The following CELF6 variants were observed in gnomAD, a reference collection of about 807,000 sequenced individuals.
The protein encoded by CELF6 is CUGBP Elav-like family member 6.
In CELF6, 32 loss-of-function variants were observed where a neutral mutation model predicts 53.1. The ratio of observed to expected loss-of-function variants is 0.60; its 90% confidence interval spans 0.46 to 0.81. The LOEUF is 0.81. Ranked by LOEUF, CELF6 falls within the 30% of genes least tolerant of loss-of-function variation. CELF6 has a pLI of 0.00. For missense variants in CELF6, 539 were observed against 669.5 expected, an observed-to-expected ratio of 0.81 and a Z score of 2.15; for synonymous variants, 291 against 288.8, an observed-to-expected ratio of 1.01 and a Z score of -0.08.
intron 3 of CELF6, chr15:72,292,140 G>C (rs1287736656): frequency 1.6e-6 from 2 of 1,247,982 alleles, no homozygotes; most frequent in Non-Finnish European, 2.2e-6. Flanking sequence ...CATCTTGCTT[G>C]ATCCTCCCCT....
intron 1 of CELF6, among the ~76,000 whole-genome samples, chr15:72,317,941 T>C (rs949381371): frequency 6.6e-6 from 1 of 151,774 alleles, no homozygotes; most frequent in Non-Finnish European, 1.5e-5. Context: ...TGAATGAAAA[T>C]AACAGGCAGA....
At chr15:72,313,630 C>G (rs2088327733) in intron 2 of CELF6, 1 of 281,226 alleles carries the variant, frequency 3.6e-6, no homozygotes, top group Non-Finnish European at 5.4e-6. Context: ...TCACGTGGGC[C>G]TCCCCCACAG....
chr15:72,287,982 C>T (rs1310611163), intron 11 of CELF6, among the ~76,000 whole-genome samples: 2 of 152,140 alleles, frequency 1.3e-5, no homozygotes, highest in Non-Finnish European at 2.9e-5. Flanking sequence ...GGATTACAGG[C>T]ACCCATCACC....
Position 72,303,075 on chromosome 15 carries a change from A to G in CELF6, c.394+1671T>C, listed in dbSNP as rs1214243978. Among the ~76,000 whole-genome samples the G allele has an allele frequency of 2.6e-5, 4 of 152,296 alleles. 1 individual carries two copies. The Middle Eastern group carries it at 0.01, about 389-fold the overall frequency. On this transcript the variant is annotated intron_variant, in intron 3 of 12. Transcript: ENST00000287202. ...TGCTGTGGAGTAAGTTGCTCAGAAG[A>G]TGTTGGTTGTGTGGTTGAACCTGTC...
intron 11 of CELF6, 53 bp from the exon 12 acceptor site, chr15:72,287,445 C>T: frequency 6.2e-7 from 1 of 1,605,736 alleles, no homozygotes; most frequent in South Asian, 1.1e-5. Context: ...GCAGGGCCTC[C>T]TTTCTCTCTG....
chr15:72,312,145 G>A (rs1269894221), intron 2 of CELF6, among the ~76,000 whole-genome samples: 1 of 152,200 alleles, frequency 6.6e-6, no homozygotes. Context: ...GGAGCATAAA[G>A]TGAGGCTAAA....
chr15:72,300,375 AAAGT>A (rs1303999573), intron 3 of CELF6, among the ~76,000 whole-genome samples: 1 of 151,958 alleles, frequency 6.6e-6, no homozygotes, highest in African/African-American at 2.4e-5. Context: ...AAAAAAAAAA[AAAGT>A]AAATAAACAG....
rs539071734 is a variant in CELF6, at chr15:72,297,467, T to A, written c.395-7212A>T. Among the ~76,000 whole-genome samples the A allele has an allele frequency of 2.4e-4, 37 of 152,282 alleles. 1 individual carries two copies. In the South Asian group the frequency reaches 7.3e-3, roughly 30 times the overall value. ...TGTACACCCATATTCATAACAACAT[T>A]AGTTACAATAGCCAAAAGGTTGAAG... is the stretch of plus-strand genomic sequence containing the variant. On this transcript the variant is annotated intron_variant, in intron 3 of 12. Coordinates refer to ENST00000287202, the MANE Select transcript of CELF6 (RefSeq NM_052840.5).
Position 72,309,704 on chromosome 15 carries a change from T to A in CELF6, c.346-4910A>T, listed in dbSNP as rs142650106. Reference sequence around the variant, plus strand: ...CTTCCTGGGCAACCTATTATATATATCTTGTTCCTGCCATGGGCAGAGGAG... The same window carrying A: ...CTTCCTGGGCAACCTATTATATATAACTTGTTCCTGCCATGGGCAGAGGAG... On this transcript the variant is annotated intron_variant, in intron 2 of 12. Coordinates refer to ENST00000287202, the MANE Select transcript of CELF6 (RefSeq NM_052840.5). 7.8e-4 allele frequency among the ~76,000 whole-genome samples: 119 copies of A among 152,242 alleles called. No individual in the cohort carries two copies. In the East Asian group the frequency reaches 0.02, roughly 25 times the overall value.
At chr15:72,317,475 A>T (rs528588028) in intron 1 of CELF6, among the ~76,000 whole-genome samples, 41 of 152,348 alleles carry the variant, frequency 2.7e-4, no homozygotes, top group African/African-American at 8.9e-4. Context: ...CAAAACTCTT[A>T]TCACATCAAC....
intron 2 of CELF6, among the ~76,000 whole-genome samples, chr15:72,311,729 T>A (rs1200958381): frequency 1.3e-5 from 2 of 152,168 alleles, no homozygotes; most frequent in Non-Finnish European, 2.9e-5. Context: ...AGAAGCATCT[T>A]GAGGGCAAAG....
chr15:72,286,372 G>A (rs931443451), intron 12 of CELF6, 30 bp from the exon 13 acceptor site: 1 of 152,676 alleles, frequency 6.5e-6, no homozygotes, highest in Non-Finnish European at 1.5e-5. Context: ...GATAAGGAGA[G>A]ATAGGGGGGA....
At chr15:72,303,335 GA>G (rs2088181842) in intron 3 of CELF6, among the ~76,000 whole-genome samples, 1 of 152,246 alleles carries the variant, frequency 6.6e-6, no homozygotes, top group African/African-American at 2.4e-5. Flanking sequence ...GTGGATGGAG[GA>G]GGAAACTTGG....
At chr15:72,317,820 A>G (rs1480109524) in intron 1 of CELF6, among the ~76,000 whole-genome samples, 2 of 152,162 alleles carry the variant, frequency 1.3e-5, no homozygotes, top group African/African-American at 4.8e-5. Flanking sequence ...GCCTGTCTGA[A>G]AGGCTCAGGG....
chr15:72,298,038 C>A (rs940398184), intron 3 of CELF6, among the ~76,000 whole-genome samples: 4 of 152,174 alleles, frequency 2.6e-5, no homozygotes, highest in African/African-American at 9.6e-5. Context: ...GAATTAAATT[C>A]ATCTAAGGAC....
intron 3 of CELF6, chr15:72,292,128 T>G: frequency 9.4e-7 from 1 of 1,058,616 alleles, no homozygotes; most frequent in Admixed American, 2.4e-5. Flanking sequence ...AGGGGTGGAG[T>G]TCATCTTGCT....
At chr15:72,307,744 G>A (rs2088249071) in intron 2 of CELF6, among the ~76,000 whole-genome samples, 2 of 152,256 alleles carry the variant, frequency 1.3e-5, no homozygotes, top group South Asian at 4.1e-4. Flanking sequence ...GTGAGGCACA[G>A]AGGGACCAGG....
At chr15:72,287,076 G>A (rs1396325189) in intron 12 of CELF6, among the ~76,000 whole-genome samples, 161 bp downstream of exon 12, 1 of 152,200 alleles carries the variant, frequency 6.6e-6, no homozygotes, top group South Asian at 2.1e-4. Context: ...TGAAGGAAAA[G>A]CAAAGTCTCC....
intron 11 of CELF6, 35 bp from the exon 12 acceptor site, chr15:72,287,427 T>C (rs2087936597): frequency 2.5e-6 from 4 of 1,611,964 alleles, no homozygotes; most frequent in Non-Finnish European, 3.4e-6. Context: ...AGCTGGGGAC[T>C]CTGCCTAGCA....
Sources: allele counts gnomAD v4.1 joint callset (sites outside exome capture counted in the v4.1 genomes callset), GRCh38; gene constraint gnomAD v4.1.1; transcripts MANE v1.5; gene names NCBI Gene and HGNC (gene_info 2026-07-23, HGNC 2026-07-21).